The following CRIM1 variants were observed in gnomAD, a reference collection of about 807,000 sequenced individuals.
The protein encoded by CRIM1 is cysteine rich transmembrane BMP regulator 1.
CRIM1 carries 32 observed loss-of-function variants against 116.4 expected under a neutral mutation model. The observed-to-expected ratio is 0.27, with a 90% CI of 0.21 to 0.37. CRIM1 has a LOEUF of 0.37. Ranked by LOEUF, CRIM1 falls within the 10% of genes least tolerant of loss-of-function variation. CRIM1 has a pLI of 1.00. For synonymous variants in CRIM1, 590 were observed against 509.2 expected (o/e 1.16, Z -2.13); for missense variants, 1,331 against 1,354.8 (o/e 0.98, Z 0.28).
intron 11 of CRIM1, among the ~76,000 whole-genome samples, chr2:36,516,182 C>G (rs555669550): frequency 3.9e-5 from 6 of 152,298 alleles, no homozygotes; most frequent in South Asian, 2.1e-4. Flanking sequence ...ATTGTTGACT[C>G]TCATGCTAAC....
At chr2:36,532,915 T>A (rs533382292) in intron 13 of CRIM1, among the ~76,000 whole-genome samples, 1 of 152,272 alleles carries the variant, frequency 6.6e-6, no homozygotes, top group South Asian at 2.1e-4. Flanking sequence ...TATTATTAGG[T>A]ATCAAAGAAC....
At chr2:36,540,094 A>C (rs942206077) in intron 14 of CRIM1, among the ~76,000 whole-genome samples, 1 of 152,154 alleles carries the variant, frequency 6.6e-6, no homozygotes, top group South Asian at 2.1e-4. Context: ...GAAGAAGCCA[A>C]GAGGGTCAGT....
intron 14 of CRIM1, among the ~76,000 whole-genome samples, chr2:36,540,768 G>C (rs1366933173): frequency 1.3e-5 from 2 of 152,204 alleles, no homozygotes; most frequent in Non-Finnish European, 2.9e-5. Flanking sequence ...AGAGAGACCA[G>C]AGGCCAGGAC....
chr2:36,423,086 CT>C (rs1390599590), intron 2 of CRIM1, among the ~76,000 whole-genome samples: 2 of 152,172 alleles, frequency 1.3e-5, no homozygotes, highest in Non-Finnish European at 2.9e-5. Context: ...TTTGTTTGAT[CT>C]CTTAATTGTC....
At chr2:36,498,641 C>T (rs1407973544) in intron 7 of CRIM1, among the ~76,000 whole-genome samples, 3 of 152,142 alleles carry the variant, frequency 2.0e-5, no homozygotes, top group African/African-American at 7.2e-5. Flanking sequence ...TCCCACAAGT[C>T]TCTGGGCCCT....
intron 4 of CRIM1, among the ~76,000 whole-genome samples, chr2:36,450,174 G>A (rs1410265647): frequency 6.6e-6 from 1 of 152,130 alleles, no homozygotes; most frequent in Non-Finnish European, 1.5e-5. Context: ...CGATATCTCT[G>A]CCTGTCAGCC....
chr2:36,488,329 A>G (rs1679983608), intron 7 of CRIM1, among the ~76,000 whole-genome samples: 1 of 152,214 alleles, frequency 6.6e-6, no homozygotes, highest in South Asian at 2.1e-4. Flanking sequence ...TCTCCCCATC[A>G]CAGGTGGCTG....
Position 36,494,631 on chromosome 2 carries a change from T to TA in CRIM1, c.1373-4587dup, listed in dbSNP as rs963434490. Among the ~76,000 whole-genome samples, 4 of 151,956 alleles carry TA rather than the reference T, an allele frequency of 2.6e-5. 1 individual carries two copies. Among genetic ancestry groups the TA allele is most frequent in the African/African-American group, 9.7e-5 (4 of 41,392 alleles). On this transcript the variant is annotated intron_variant, in intron 7 of 16. Coordinates refer to ENST00000280527, the MANE Select transcript of CRIM1 (RefSeq NM_016441.3). ...AAAAATCGTTCAAGAAAACAACAGG[T>TA]AGAGGAGAGGAAAGTTTCCCACTCA...
chr2:36,438,425 T>C (rs566061075), intron 2 of CRIM1, among the ~76,000 whole-genome samples: 1 of 152,338 alleles, frequency 6.6e-6, no homozygotes, highest in South Asian at 2.1e-4. Flanking sequence ...TCCAACTTAA[T>C]CTGCATACAT....
chr2:36,537,727 T>G (rs1255745277), intron 14 of CRIM1, among the ~76,000 whole-genome samples, 181 bp downstream of exon 14: 1 of 152,250 alleles, frequency 6.6e-6, no homozygotes, highest in Non-Finnish European at 1.5e-5. Flanking sequence ...ACCATCCCGA[T>G]GAGGGGCAGA....
chr2:36,446,112 G>A (rs1250592318), intron 4 of CRIM1, among the ~76,000 whole-genome samples: 1 of 152,176 alleles, frequency 6.6e-6, no homozygotes, highest in Non-Finnish European at 1.5e-5. Context: ...TTCAGTGAAA[G>A]TAACAACTCC....
At chr2:36,461,789 T>C (rs1302097359) in intron 4 of CRIM1, among the ~76,000 whole-genome samples, 1 of 152,258 alleles carries the variant, frequency 6.6e-6, no homozygotes, top group Admixed American at 6.5e-5. Context: ...ATGTGAGTTG[T>C]ATTATGTTGA....
rs1169753582 is a variant in CRIM1, at chr2:36,476,165, A to G, written c.992-724A>G. ...TGATGAGACTTCTAAATATGGGACT[A>G]TGAGTCCTCAGCAGAACATAACCCT... On this transcript the variant is annotated intron_variant, in intron 5 of 16. Coordinates refer to ENST00000280527, the MANE Select transcript of CRIM1 (RefSeq NM_016441.3). Among the ~76,000 whole-genome samples, 5 of 152,150 alleles carry G rather than the reference A, an allele frequency of 3.3e-5. No homozygotes were observed. The South Asian group carries it at 6.2e-4, about 19-fold the overall frequency.
At position 36,396,728 on chromosome 2, in the gene CRIM1, G is replaced by T; in HGVS notation, c.446G>T (p.Ser149Ile). 1 of 1,613,768 alleles carries T rather than the reference G, an allele frequency of 6.2e-7. No individual in the cohort carries two copies. The highest frequency in any genetic ancestry group is 8.5e-7 in the Non-Finnish European group (1 of 1,179,696). ...KCECNTIRTC[S>I]NPFEFPSQDM... Reference sequence around the variant, plus strand: ...GAATGTAACACCATTCGAACCTGCAGCAATCCCTTTGAGTTTCCAAGTCAG... The same window carrying T: ...GAATGTAACACCATTCGAACCTGCATCAATCCCTTTGAGTTTCCAAGTCAG... Residue 149 changes from serine to isoleucine, a missense_variant, in exon 2 of 17, where the codon AGC (serine) becomes ATC (isoleucine). Ser to Ile is a moderately radical substitution (Grantham distance 142). Coordinates refer to ENST00000280527, the MANE Select transcript of CRIM1 (RefSeq NM_016441.3).
chr2:36,510,275 G>T (rs757408404), intron 9 of CRIM1, 136 bp downstream of exon 9: 25 of 790,480 alleles, frequency 3.2e-5, no homozygotes, highest in Non-Finnish European at 4.9e-5. Flanking sequence ...TGTTTTGTTA[G>T]GTGATTCAGA....
chr2:36,485,597 T>G (rs1679753247), intron 7 of CRIM1, among the ~76,000 whole-genome samples: 1 of 152,188 alleles, frequency 6.6e-6, no homozygotes, highest in Non-Finnish European at 1.5e-5. Flanking sequence ...AAAAAATGTT[T>G]CCAGCCCTGC....
At chr2:36,442,796 T>G in intron 4 of CRIM1, 61 bp downstream of exon 4, 3 of 1,595,816 alleles carry the variant, frequency 1.9e-6, no homozygotes, top group Non-Finnish European at 2.6e-6. Context: ...CTAAGGTACA[T>G]TTTGAGCATG....
intron 10 of CRIM1, among the ~76,000 whole-genome samples, chr2:36,512,644 T>A (rs1664768225): frequency 6.6e-6 from 1 of 152,164 alleles, no homozygotes; most frequent in Non-Finnish European, 1.5e-5. Flanking sequence ...TCCTAGCTCT[T>A]TTTACTTCTA....
intron 2 of CRIM1, among the ~76,000 whole-genome samples, chr2:36,435,951 A>G (rs540440373): frequency 1.3e-5 from 2 of 149,898 alleles, no homozygotes; most frequent in African/African-American, 4.9e-5. Flanking sequence ...TGTCTGTTGC[A>G]CTGTTATCAG....
Sources: gnomAD v4.1 joint callset for allele counts (sites outside exome capture counted in the v4.1 genomes callset) on GRCh38, gnomAD v4.1.1 for gene constraint, MANE v1.5 for transcripts, NCBI Gene and HGNC (gene_info 2026-07-23, HGNC 2026-07-21) for gene names.